Variants in PRKN observed in about 807,000 individuals in gnomAD.
The protein encoded by PRKN is E3 ubiquitin-protein ligase parkin.
Under a neutral mutation model 59.5 loss-of-function variants are expected in PRKN, and 56 were observed. The ratio of observed to expected loss-of-function variants is 0.94; its 90% CI spans 0.76 to 1.18. The LOEUF (loss-of-function observed/expected upper bound fraction) is 1.18. PRKN is among the 50% of genes most tolerant of loss of function. The pLI, the probability that PRKN is intolerant of heterozygous loss-of-function variation, is 0.00. For synonymous variants in PRKN, 250 were observed against 222.1 expected (o/e 1.13, Z -1.12); for missense variants, 657 against 596.4 (o/e 1.10, Z -1.06).
chr6:161,880,954 CTCCA>C (rs1794913664), intron 6 of PRKN, among the ~76,000 whole-genome samples: 1 of 152,178 alleles, frequency 6.6e-6, no homozygotes. Flanking sequence ...CAAACAGTAC[CTCCA>C]GAAAACTAGT....
intron 1 of PRKN, among the ~76,000 whole-genome samples, chr6:162,688,711 T>C (rs1040113994): frequency 1.8e-4 from 27 of 152,210 alleles, no homozygotes; most frequent in Non-Finnish European, 2.2e-4. Flanking sequence ...AGCCAGGCTA[T>C]TGATAAAACA....
intron 4 of PRKN, among the ~76,000 whole-genome samples, chr6:162,089,275 T>C (rs1324833758): frequency 6.6e-6 from 1 of 152,138 alleles, no homozygotes; most frequent in African/African-American, 2.4e-5. Flanking sequence ...GTTATACAAA[T>C]GGCCCAATAA....
intron 2 of PRKN, among the ~76,000 whole-genome samples, chr6:162,378,473 T>C (rs1786246641): frequency 6.6e-6 from 1 of 152,244 alleles, no homozygotes; most frequent in Non-Finnish European, 1.5e-5. Context: ...CAACGGATGT[T>C]TCTATGTAAG....
At chr6:162,355,875 A>G (rs778885485) in intron 2 of PRKN, among the ~76,000 whole-genome samples, 25 of 152,310 alleles carry the variant, frequency 1.6e-4, no homozygotes, top group Non-Finnish European at 3.2e-4. Context: ...GTTTACCTTA[A>G]CTGATCTATT....
intron 4 of PRKN, among the ~76,000 whole-genome samples, chr6:162,168,687 A>C (rs554279365): frequency 3.0e-4 from 46 of 152,128 alleles, no homozygotes; most frequent in African/African-American, 1.0e-3. Flanking sequence ...TAACCTCAGC[A>C]TCTCCCGAGA....
intron 7 of PRKN, among the ~76,000 whole-genome samples, chr6:161,662,880 A>G (rs148434657): frequency 3.8e-4 from 58 of 152,266 alleles, no homozygotes; most frequent in African/African-American, 1.4e-3. Flanking sequence ...AATCGAGGAT[A>G]TTGATATGGT....
At position 162,638,640 on chromosome 6, in the gene PRKN, TTCTTCCATAAAAAACTTTCAC is replaced by T. The variant is rs1777838997; in HGVS notation, c.7+89001_7+89021del. On this transcript the variant is annotated intron_variant, in intron 1 of 11. Transcript: ENST00000366898. ...TCTTTTGGAAACCTTAGGACTGTCATTCTTCCATAAAAAACTTTCACTGCGCCCCAAAACTCTCAGAGCAAA... is the reference window on the plus strand; with the variant it reads ...TCTTTTGGAAACCTTAGGACTGTCATTGCGCCCCAAAACTCTCAGAGCAAA... Among the ~76,000 whole-genome samples, 4 of 152,270 alleles carry T rather than the reference TTCTTCCATAAAAAACTTTCAC, an allele frequency of 2.6e-5. No homozygotes were observed. In the South Asian group the frequency reaches 8.3e-4, roughly 32 times the overall value.
intron 7 of PRKN, among the ~76,000 whole-genome samples, chr6:161,681,781 C>T (rs772160864): frequency 3.9e-5 from 6 of 152,124 alleles, no homozygotes; most frequent in Non-Finnish European, 8.8e-5. Context: ...GCTCACAGTC[C>T]CAAGGGGTAG....
At chr6:162,593,123 C>T (rs193047666) in intron 1 of PRKN, among the ~76,000 whole-genome samples, 133 of 152,136 alleles carry the variant, frequency 8.7e-4, no homozygotes, top group African/African-American at 3.0e-3. Flanking sequence ...CAATTATATA[C>T]GAAACAGAAT....
At chr6:162,631,758 T>C (rs577097783) in intron 1 of PRKN, among the ~76,000 whole-genome samples, 7 of 152,206 alleles carry the variant, frequency 4.6e-5, no homozygotes, top group African/African-American at 1.7e-4. Context: ...CCAAAAAATT[T>C]TTCCCAGAGC....
chr6:161,657,094 T>C (rs147555407), intron 7 of PRKN, among the ~76,000 whole-genome samples: 110 of 152,316 alleles, frequency 7.2e-4, no homozygotes, highest in African/African-American at 2.5e-3. Flanking sequence ...CAGTCCAAAA[T>C]TGAGTGCACA....
intron 2 of PRKN, among the ~76,000 whole-genome samples, chr6:162,337,455 T>C (rs770058609): frequency 6.6e-6 from 1 of 152,234 alleles, no homozygotes; most frequent in African/African-American, 2.4e-5. Context: ...CACTTGTTTA[T>C]AAAAATGTGT....
intron 6 of PRKN, among the ~76,000 whole-genome samples, chr6:161,847,829 T>C (rs1216082392): frequency 1.3e-5 from 2 of 152,182 alleles, no homozygotes; most frequent in Admixed American, 1.3e-4. Context: ...TTCTTGGAAT[T>C]CACATTCTAT....
At chr6:162,262,368 G>C in intron 3 of PRKN, 157 bp downstream of exon 3, 2 of 848,336 alleles carry the variant, frequency 2.4e-6, no homozygotes, top group Admixed American at 1.7e-5. Flanking sequence ...TTACATCAAA[G>C]TACTCCACCT....
Position 161,592,162 on chromosome 6 carries a change from T to C in PRKN, c.872-22746A>G, listed in dbSNP as rs534272024. 8.1e-4 allele frequency among the ~76,000 whole-genome samples: 123 copies of C among 152,332 alleles called. No homozygotes were observed. The South Asian group carries it at 9.5e-3, about 12-fold the overall frequency. On this transcript the variant is annotated intron_variant, in intron 7 of 11. Transcript: ENST00000366898. The surrounding 1 kb of genome is among the most constrained non-coding windows in gnomAD (Gnocchi z 4.8). ...TTTATCGTTGTGTCATTTTTTATGTTCATTTTTTCCAAATATTTTCTATCT... is the reference window on the plus strand; with the variant it reads ...TTTATCGTTGTGTCATTTTTTATGTCCATTTTTTCCAAATATTTTCTATCT...
chr6:162,270,650 G>T (rs913830099), intron 2 of PRKN: 2 of 152,148 alleles, frequency 1.3e-5, no homozygotes, highest in African/African-American at 4.8e-5. Context: ...AATCAGCCAA[G>T]AATGATCAGA....
chr6:161,491,024 G>A (rs1307341414), intron 9 of PRKN, among the ~76,000 whole-genome samples: 1 of 152,110 alleles, frequency 6.6e-6, no homozygotes, highest in Non-Finnish European at 1.5e-5. Context: ...TTCCTATCCA[G>A]CCTGTGAAAC....
At position 161,946,412 on chromosome 6, in the gene PRKN, ACACTCTCTCTCT is replaced by A. The variant is rs1282148044; in HGVS notation, c.734+26878_734+26889del. Among the ~76,000 whole-genome samples the A allele has an allele frequency of 1.2e-3, 116 of 94,250 alleles. 1 individual carries two copies. The highest frequency in any genetic ancestry group is 3.3e-3 in the African/African-American group (104 of 31,234). 61.8% of individuals were successfully genotyped at this position (94,250 alleles called of 152,430 possible). Reference sequence around the variant, plus strand: ...CACACACACACACACACACACACACACACTCTCTCTCTCTCTCTCTCTCTCTCTCTCTCTCTC... The same window carrying A: ...CACACACACACACACACACACACACACTCTCTCTCTCTCTCTCTCTCTCTC... On this transcript the variant is annotated intron_variant, in intron 6 of 11. Transcript: ENST00000366898.
chr6:161,688,629 C>A (rs142827754), intron 7 of PRKN, among the ~76,000 whole-genome samples: 3 of 152,160 alleles, frequency 2.0e-5, no homozygotes, highest in Non-Finnish European at 2.9e-5. Flanking sequence ...AGTATAGCGG[C>A]GCAAATACAA....
Sources: gnomAD v4.1 joint callset for allele counts (sites outside exome capture counted in the v4.1 genomes callset) on GRCh38, gnomAD v4.1.1 for gene constraint, Gnocchi (gnomAD v3.1) non-coding constraint, MANE v1.5 for transcripts, NCBI Gene and HGNC (gene_info 2026-07-23, HGNC 2026-07-21) for gene names.